Variants in PCDHA13 observed in about 807,000 individuals in gnomAD.
PCDHA13 encodes protocadherin alpha-13.
A neutral mutation model predicts 64.8 loss-of-function variants in PCDHA13; 54 were observed. That is an observed-to-expected ratio of 0.83 (90% confidence interval 0.67 to 1.04). PCDHA13 has a LOEUF of 1.04. PCDHA13 is among the 50% of genes least tolerant of loss of function. PCDHA13 has a pLI of 0.00. For missense variants in PCDHA13, 1,248 were observed against 1,254.3 expected (o/e 0.99, Z 0.08); for synonymous variants, 587 against 564.4 (o/e 1.04, Z -0.57).
rs565441433 is a variant in PCDHA13, at chr5:141,011,340, A to G, written c.*1403A>G. 6.5e-6 allele frequency: 1 copy of G among 153,828 alleles called. No homozygotes were observed. Among genetic ancestry groups the G allele is most frequent in the African/African-American group, 2.4e-5 (1 of 41,570 alleles). 9.5% of individuals were successfully genotyped at this position (153,828 alleles called of 1,614,324 possible). On this transcript the variant is annotated 3_prime_UTR_variant, in exon 4 of 4. Transcript: ENST00000289272. Reference sequence around the variant, plus strand: ...ACTAACACCTATGATGTTACCTGAAATCAATCTCCCATATGTATGCTGTAT... The same window carrying G: ...ACTAACACCTATGATGTTACCTGAAGTCAATCTCCCATATGTATGCTGTAT...
intron 1 of PCDHA13, among the ~76,000 whole-genome samples, chr5:140,942,026 A>G (rs1394001505): frequency 6.6e-6 from 1 of 152,194 alleles, no homozygotes; most frequent in Non-Finnish European, 1.5e-5. Flanking sequence ...GGAAAAAATA[A>G]TTCATAAACC....
At chr5:140,985,847 C>T (rs1178290779) in intron 3 of PCDHA13, among the ~76,000 whole-genome samples, 4 of 150,300 alleles carry the variant, frequency 2.7e-5, no homozygotes, top group African/African-American at 7.3e-5. Context: ...TCATGCCACT[C>T]TCCTGCCTCA....
rs116326633 is a variant in PCDHA13 at position 141,003,488 on chromosome 5, G to A, written c.2543-6139G>A. Reference sequence around the variant, plus strand: ...CACCACAGTCTCGCTAATTTTTATAGTTTTAGTAGAGATGGGGTTTCACCA... The same window carrying A: ...CACCACAGTCTCGCTAATTTTTATAATTTTAGTAGAGATGGGGTTTCACCA... On this transcript the variant is annotated intron_variant, in intron 3 of 3. Transcript: ENST00000289272. 8.1e-3 allele frequency among the ~76,000 whole-genome samples: 1,225 copies of A among 152,062 alleles called. 19 individuals are homozygous for A. The highest frequency in any genetic ancestry group is 0.028 in the African/African-American group (1,155 of 41,502).
At chr5:141,006,828 G>A (rs1554260937) in intron 3 of PCDHA13, among the ~76,000 whole-genome samples, 1 of 152,162 alleles carries the variant, frequency 6.6e-6, no homozygotes, top group Non-Finnish European at 1.5e-5. Context: ...TAAATGGGGT[G>A]TAATTTACTG....
rs1554202543 is a variant in PCDHA13 at position 140,925,106 on chromosome 5, G to GA, written c.2394+40445dup. The stretch of plus-strand genomic sequence containing the variant: ...GAAAGGAAGGAAGGAAGGAAGGAAG[G>GA]AGGGAAGGAAGGAAGGAAAAAAAAT... On this transcript the variant is annotated intron_variant, in intron 1 of 3. Coordinates refer to ENST00000289272, the MANE Select transcript of PCDHA13 (RefSeq NM_018904.3). Among the ~76,000 whole-genome samples the GA allele has an allele frequency of 6.6e-3, 1,003 of 151,180 alleles. 6 individuals are homozygous for GA. Among genetic ancestry groups the GA allele is most frequent in the African/African-American group, 0.017 (687 of 41,108 alleles).
intron 3 of PCDHA13, among the ~76,000 whole-genome samples, chr5:141,008,045 CAG>C (rs1416741468): frequency 2.0e-5 from 3 of 151,924 alleles, no homozygotes; most frequent in South Asian, 2.1e-4. Context: ...CCTTTTGTAA[CAG>C]GGGTCCAGTC....
chr5:140,941,936 T>G (rs901567070), intron 1 of PCDHA13, among the ~76,000 whole-genome samples: 7 of 152,362 alleles, frequency 4.6e-5, no homozygotes, highest in Non-Finnish European at 7.3e-5. Flanking sequence ...ATATTTGAAT[T>G]ACTTTTGTTT....
chr5:140,948,495 G>T (rs2094260954), intron 1 of PCDHA13, among the ~76,000 whole-genome samples: 1 of 151,424 alleles, frequency 6.6e-6, no homozygotes, highest in African/African-American at 2.4e-5. Context: ...TTCTTTCATA[G>T]ACTTTCTATT....
At chr5:140,940,994 G>A (rs1375374431) in intron 1 of PCDHA13, among the ~76,000 whole-genome samples, 1 of 152,094 alleles carries the variant, frequency 6.6e-6, no homozygotes, top group Non-Finnish European at 1.5e-5. Context: ...AAGTTTATAG[G>A]ATTAAATTTT....
Position 141,009,823 on chromosome 5 carries a change from C to T in PCDHA13, c.2739C>T (p.Phe913=), listed in dbSNP as rs2098414711. Residue 913 remains phenylalanine, a synonymous_variant, in exon 4 of 4, where the codon TTC becomes TTT. Transcript: ENST00000289272. The part of the protein sequence containing the change: ...PTNSQIDKSD[F]ITFGKKEETK... ...ACAGCCAAATTGACAAAAGTGACTTCATAACCTTCGGCAAAAAGGAGGAGA... is the reference window on the plus strand; with the variant it reads ...ACAGCCAAATTGACAAAAGTGACTTTATAACCTTCGGCAAAAAGGAGGAGA... 4 of 1,614,030 alleles carry T rather than the reference C, an allele frequency of 2.5e-6. No individual in the cohort carries two copies. The highest frequency in any genetic ancestry group is 3.4e-6 in the Non-Finnish European group (4 of 1,180,010).
In PCDHA13 at chr5:140,884,581, C is replaced by A; in HGVS notation, c.2313C>A (p.Ala771=). The change falls in exon 1 of 4, where the codon GCC becomes GCA. Residue 771 remains alanine, a synonymous_variant. Coordinates refer to ENST00000289272, the MANE Select transcript of PCDHA13 (RefSeq NM_018904.3). ...GEGPHKTDLM[A]FSPSLPPCLG... ...GCCCGCATAAGACGGACCTCATGGC[C>A]TTCAGTCCCAGCCTTCCTCCTTGTC... The A allele has an allele frequency of 6.2e-7, 1 of 1,614,184 alleles. No individual in the cohort carries two copies. Among genetic ancestry groups the A allele is most frequent in the African/African-American group, 1.3e-5 (1 of 75,072 alleles).
At position 140,915,662 on chromosome 5, in the gene PCDHA13, G is replaced by T. The variant is rs75670796; in HGVS notation, c.2394+31000G>T. On this transcript the variant is annotated intron_variant, in intron 1 of 3. Transcript: ENST00000289272. ...TCTCTCTCTCTCTCTCTCTCAAGGT[G>T]CTGGGCCATCTTGAACTAGGGGTAT... is the stretch of plus-strand genomic sequence containing the variant. 8.2e-3 allele frequency among the ~76,000 whole-genome samples: 1,195 copies of T among 145,332 alleles called. 7 individuals are homozygous for T. Among genetic ancestry groups the T allele is most frequent in the African/African-American group, 0.02 (782 of 39,430 alleles).
chr5:140,983,483 C>T (rs2097053951), intron 3 of PCDHA13, among the ~76,000 whole-genome samples: 1 of 152,220 alleles, frequency 6.6e-6, no homozygotes, highest in African/African-American at 2.4e-5. Flanking sequence ...ATAGTAGTTA[C>T]TAATTATTAA....
chr5:140,971,468 A>C (rs938390548), intron 1 of PCDHA13, among the ~76,000 whole-genome samples: 7 of 152,174 alleles, frequency 4.6e-5, no homozygotes, highest in African/African-American at 7.2e-5. Context: ...AGTTATAGGG[A>C]GAGAGTGTCA....
rs781892888 is a variant in PCDHA13, at chr5:140,967,565, C to T, written c.2395-11384C>T. Reference sequence around the variant, plus strand: ...CCAGTCCACTTATCGCGTCCAGCTACGGGAGGACTCACCCCCAGGCACATT... The same window carrying T: ...CCAGTCCACTTATCGCGTCCAGCTATGGGAGGACTCACCCCCAGGCACATT... On this transcript the variant is annotated intron_variant, in intron 1 of 3. Transcript: ENST00000289272. The T allele has an allele frequency of 3.1e-6, 5 of 1,614,080 alleles. No individual in the cohort carries two copies. The highest frequency in any genetic ancestry group is 2.7e-5 in the African/African-American group (2 of 75,044).
At chr5:140,911,299 T>A (rs1583781432) in intron 1 of PCDHA13, among the ~76,000 whole-genome samples, 1 of 152,154 alleles carries the variant, frequency 6.6e-6, no homozygotes, top group Non-Finnish European at 1.5e-5. Flanking sequence ...CTTTTACATA[T>A]CCCCATTCCA....
At chr5:140,907,411 GA>G (rs1435126945) in intron 1 of PCDHA13, among the ~76,000 whole-genome samples, 1 of 152,192 alleles carries the variant, frequency 6.6e-6, no homozygotes, top group Non-Finnish European at 1.5e-5. Flanking sequence ...GGAATACCAC[GA>G]TGGTGGATAA....
chr5:140,961,196 A>G (rs2095596614), intron 1 of PCDHA13, among the ~76,000 whole-genome samples: 2 of 152,150 alleles, frequency 1.3e-5, no homozygotes, highest in African/African-American at 4.8e-5. Context: ...GACCCTAGTG[A>G]GGTTGGTATT....
In PCDHA13 at chr5:140,927,196, G is replaced by A. The variant is rs781932405; in HGVS notation, c.2394+42534G>A. On this transcript the variant is annotated intron_variant, in intron 1 of 3. Coordinates refer to ENST00000289272, the MANE Select transcript of PCDHA13 (RefSeq NM_018904.3). ...CGTCTTGACCTACGACCTGGTGCTC[G>A]AGGACCCGCTGGAGCTGCACAAGAT... The A allele has an allele frequency of 5.6e-6, 9 of 1,614,028 alleles. No homozygotes were observed. In the South Asian group the frequency reaches 7.7e-5, roughly 14 times the overall value.
Sources: allele counts gnomAD v4.1 joint callset (sites outside exome capture counted in the v4.1 genomes callset), GRCh38; gene constraint gnomAD v4.1.1; transcripts MANE v1.5; gene names NCBI Gene and HGNC (gene_info 2026-07-23, HGNC 2026-07-21).